MXD1: variants seen among roughly 807,000 people sequenced by gnomAD.
The protein encoded by MXD1 is MAX-binding protein.
In MXD1, 9 loss-of-function variants were observed where a neutral mutation model predicts 25.7. The observed-to-expected ratio is 0.35, with a 90% CI of 0.21 to 0.61. The LOEUF is 0.61. MXD1 is among the 20% of genes least tolerant of loss of function. The pLI, the probability that MXD1 is intolerant of heterozygous loss-of-function variation, is 0.75. For synonymous variants in MXD1, 99 were observed against 113.9 expected (o/e 0.87, Z 0.83); for missense variants, 227 against 292.4 (o/e 0.78, Z 1.63).
chr2:69,938,225 A>G lies in MXD1; in HGVS notation c.607A>G (p.Ser203Gly), dbSNP rs1677505326. 6.2e-7 allele frequency: 1 copy of G among 1,614,106 alleles called. No individual in the cohort carries two copies. ...QSLGSDEGYS[S>G]TSIKRIKLQD... is the part of the protein sequence containing the mutation. ...CCTCGGCAGTGATGAGGGCTATTCC[A>G]GCACCAGCATCAAGAGAATAAAGCT... Residue 203 changes from serine to glycine, a missense_variant, in exon 6 of 6, where the codon AGC becomes GGC. By Grantham distance (56) the Ser-to-Gly change is moderately conservative. Coordinates refer to ENST00000264444, the MANE Select transcript of MXD1 (RefSeq NM_002357.4).
At chr2:69,927,769 G>A (rs1677198328) in intron 3 of MXD1, among the ~76,000 whole-genome samples, 1 of 152,184 alleles carries the variant, frequency 6.6e-6, no homozygotes, top group African/African-American at 2.4e-5. Flanking sequence ...TGTAGCCACT[G>A]TTAACTGCTA....
At chr2:69,936,016 A>G (rs1308065057) in intron 4 of MXD1, among the ~76,000 whole-genome samples, 1 of 151,792 alleles carries the variant, frequency 6.6e-6, no homozygotes, top group African/African-American at 2.4e-5. Context: ...TTGTTCCCCA[A>G]TTCCCCTTTC....
Position 69,915,298 on chromosome 2 carries a change from G to T in MXD1, c.-33G>T. On this transcript the variant is annotated 5_prime_UTR_variant, in exon 1 of 6. Transcript: ENST00000264444. This position sits in a 1 kb window ranked among gnomAD's most constrained non-coding sequence, Gnocchi z 5.8. ...CGGCAGCGAGCCCGTGGGCAGTGGG[G>T]GTTGGTCCCGTGGCTCCGGCCCCCG... 7.6e-7 allele frequency: 1 copy of T among 1,307,898 alleles called. No individual in the cohort carries two copies. 81.0% of individuals were successfully genotyped at this position (1,307,898 alleles called of 1,614,324 possible).
chr2:69,929,528 A>G (rs780640004), intron 3 of MXD1, among the ~76,000 whole-genome samples: 4 of 152,228 alleles, frequency 2.6e-5, no homozygotes, highest in Admixed American at 6.5e-5. Context: ...GGTGCTTTCT[A>G]TCAGTGCCAA....
rs1677406279 is a variant in MXD1 at position 69,935,438 on chromosome 2, A to G, written c.291A>G (p.Leu97=). Residue 97 remains leucine, a synonymous_variant, in exon 4 of 6, where the codon TTA becomes TTG. Coordinates refer to ENST00000264444, the MANE Select transcript of MXD1 (RefSeq NM_002357.4). Reference sequence around the variant, plus strand: ...CAAGTCGACACACTACGTTGAGTTTATTAACAAAAGCCAAATTGCACATAA... The same window carrying G: ...CAAGTCGACACACTACGTTGAGTTTGTTAACAAAAGCCAAATTGCACATAA... ...PESSRHTTLS[L]LTKAKLHIKK... is the part of the protein sequence containing the mutation. 6.2e-7 allele frequency: 1 copy of G among 1,613,916 alleles called. No individual in the cohort carries two copies. Among genetic ancestry groups the G allele is most frequent in the Non-Finnish European group, 8.5e-7 (1 of 1,179,870 alleles).
At chr2:69,928,364 A>G (rs1437764586) in intron 3 of MXD1, among the ~76,000 whole-genome samples, 1 of 152,204 alleles carries the variant, frequency 6.6e-6, no homozygotes, top group Non-Finnish European at 1.5e-5. Flanking sequence ...GTTAAGTCAG[A>G]TGGGATGTTT....
chr2:69,933,079 A>G (rs948615071), intron 3 of MXD1, among the ~76,000 whole-genome samples: 13 of 151,728 alleles, frequency 8.6e-5, no homozygotes, highest in African/African-American at 2.9e-4. Flanking sequence ...GGCGCCTGTA[A>G]TCCCAGATAC....
intron 5 of MXD1, 95 bp from the exon 6 acceptor site, chr2:69,938,002 C>G: frequency 4.9e-6 from 6 of 1,219,832 alleles, no homozygotes; most frequent in Non-Finnish European, 6.9e-6. Flanking sequence ...CCGCCTTTGC[C>G]TCCCAAAGTG....
chr2:69,920,765 A>G (rs1677050343), intron 2 of MXD1, among the ~76,000 whole-genome samples: 1 of 152,146 alleles, frequency 6.6e-6, no homozygotes, highest in Non-Finnish European at 1.5e-5. Flanking sequence ...CCTTTATAAT[A>G]CTGGTAGCTT....
intron 4 of MXD1, among the ~76,000 whole-genome samples, chr2:69,935,849 C>T (rs144890820): frequency 1.3e-5 from 2 of 152,328 alleles, no homozygotes; most frequent in Admixed American, 6.5e-5. Context: ...TGGGTCCCTC[C>T]CGTCTGCTTT....
rs1339995186 is a variant in MXD1, at chr2:69,937,341, G to A, written c.425G>A (p.Arg142Gln). ...GAGAAGCTGGGCATTGAGAGGATCCGGATGGACAGCATCGGCTCCACCGTC... is the reference window on the plus strand; with the variant it reads ...GAGAAGCTGGGCATTGAGAGGATCCAGATGGACAGCATCGGCTCCACCGTC... The part of the protein sequence containing the change: ...QLEKLGIERI[R>Q]MDSIGSTVSS... The change falls in exon 5 of 6, where the codon CGG becomes CAG. Residue 142 changes from arginine (R) to glutamine (Q), a missense_variant. By Grantham distance (43) the Arg-to-Gln change is conservative. Transcript: ENST00000264444. The A allele has an allele frequency of 1.9e-6, 3 of 1,613,924 alleles. No homozygotes were observed. Among genetic ancestry groups the A allele is most frequent in the South Asian group, 1.1e-5 (1 of 91,068 alleles).
At chr2:69,924,761 GGAA>G (rs916903801) in intron 3 of MXD1, among the ~76,000 whole-genome samples, 10 of 151,602 alleles carry the variant, frequency 6.6e-5, no homozygotes, top group Admixed American at 2.6e-4. Context: ...AAAAAAAAAA[GGAA>G]GAAGAAGAAA....
intron 4 of MXD1, 36 bp downstream of exon 4, chr2:69,935,501 C>A: frequency 7.1e-7 from 1 of 1,404,800 alleles, no homozygotes; most frequent in African/African-American, 1.4e-5. Flanking sequence ...TTATCTTTAC[C>A]TGTTCAGTGA....
intron 3 of MXD1, among the ~76,000 whole-genome samples, chr2:69,923,472 C>T (rs1222289707): frequency 1.3e-5 from 2 of 152,164 alleles, no homozygotes; most frequent in Non-Finnish European, 2.9e-5. Flanking sequence ...CTCTGAAAGT[C>T]AGGATCTGAA....
At chr2:69,922,124 CAGAT>C (rs1419988546) in intron 3 of MXD1, among the ~76,000 whole-genome samples, 4 of 152,162 alleles carry the variant, frequency 2.6e-5, no homozygotes, top group Non-Finnish European at 1.5e-5. Context: ...TACATATACA[CAGAT>C]ATATATACAC....
At chr2:69,937,087 TC>T (rs1206110028) in intron 4 of MXD1, 147 bp from the exon 5 acceptor site, 1 of 1,050,822 alleles carries the variant, frequency 9.5e-7, no homozygotes, top group Non-Finnish European at 1.5e-6. Flanking sequence ...CCAGTCGACT[TC>T]CTGTCTCAGG....
In MXD1 at chr2:69,915,484, G is replaced by T; in HGVS notation, c.73+81G>T. On this transcript the variant is annotated intron_variant, in intron 1 of 5. Coordinates refer to ENST00000264444, the MANE Select transcript of MXD1 (RefSeq NM_002357.4). This position sits in a 1 kb window ranked among gnomAD's most constrained non-coding sequence, Gnocchi z 5.8. ...CGGCCTCAGGTCCGGGCGCCCAGCC[G>T]CTCCGGGGGTGGTTGGAGGCGGGGA... 1 of 1,146,962 alleles carries T rather than the reference G, an allele frequency of 8.7e-7. No homozygotes were observed. Among genetic ancestry groups the T allele is most frequent in the Non-Finnish European group, 1.1e-6 (1 of 894,890 alleles). The allele number at this position is 1,146,962 out of a possible 1,614,324, so 71.0% of individuals were successfully genotyped here.
At chr2:69,922,737 A>C (rs1677089580) in intron 3 of MXD1, among the ~76,000 whole-genome samples, 1 of 152,034 alleles carries the variant, frequency 6.6e-6, no homozygotes, top group Non-Finnish European at 1.5e-5. Context: ...AAAATTAGCC[A>C]GGTGTGGTGG....
At chr2:69,916,880 A>C (rs949036534) in intron 2 of MXD1, among the ~76,000 whole-genome samples, 2 of 152,202 alleles carry the variant, frequency 1.3e-5, no homozygotes, top group Non-Finnish European at 2.9e-5. Flanking sequence ...TGTGAATCTC[A>C]CTGGAGATTT....
Sources: allele counts gnomAD v4.1 joint callset (sites outside exome capture counted in the v4.1 genomes callset), GRCh38; gene constraint gnomAD v4.1.1; non-coding constraint Gnocchi (gnomAD v3.1); transcripts MANE v1.5; gene names NCBI Gene and HGNC (gene_info 2026-07-23, HGNC 2026-07-21).